Variants in PDK2 observed in about 807,000 individuals in gnomAD.
PDK2 encodes the protein pyruvate dehydrogenase kinase 2, also known as pyruvate dehydrogenase kinase, isozyme 2.
In PDK2, 34 loss-of-function variants were observed where a neutral mutation model predicts 50.4. That is an observed-to-expected ratio of 0.68 (90% CI 0.51 to 0.90). PDK2 has a LOEUF of 0.90. Ranked by LOEUF, PDK2 falls within the 40% of genes least tolerant of loss-of-function variation. PDK2 has a pLI of 0.00. For synonymous variants in PDK2, 232 were observed against 216.0 expected (o/e 1.07, Z -0.65); for missense variants, 377 against 544.5 (o/e 0.69, Z 3.06).
rs1419541065 is a variant in PDK2 at position 50,106,792 on chromosome 17, A to G, written c.518-2A>G. ...AACAGCATCCTCCCTTCCTGCCTGC[A>G]GCCCTCATCTTTGATGGCAGCACCA... On this transcript the variant is annotated splice_acceptor_variant, in intron 4 of 10. Coordinates refer to ENST00000503176, the MANE Select transcript of PDK2 (RefSeq NM_002611.5). LOFTEE classifies it high-confidence loss of function. 1 of 1,613,382 alleles carries G rather than the reference A, an allele frequency of 6.2e-7. No homozygotes were observed. Among genetic ancestry groups the G allele is most frequent in the South Asian group, 1.1e-5 (1 of 91,078 alleles).
At chr17:50,102,568 C>G (rs1910292179) in intron 2 of PDK2, among the ~76,000 whole-genome samples, 1 of 152,144 alleles carries the variant, frequency 6.6e-6, no homozygotes, top group Non-Finnish European at 1.5e-5. Flanking sequence ...TCTCCTCCCC[C>G]TCCTCTCCCC....
Position 50,110,216 on chromosome 17 carries a change from CTG to C in PDK2, c.*121_*122del, listed in dbSNP as rs1350591277. 8.7e-7 allele frequency: 1 copy of C among 1,151,912 alleles called. No homozygotes were observed. Among genetic ancestry groups the C allele is most frequent in the Non-Finnish European group, 1.2e-6 (1 of 834,510 alleles). 71.4% of individuals were successfully genotyped at this position (1,151,912 alleles called of 1,614,324 possible). Reference sequence around the variant, plus strand: ...GTGGGTTCTCCCTGATGACCAGGTTCTGTCTCTATGGAAGTCACTGCGGTGAT... The same window carrying C: ...GTGGGTTCTCCCTGATGACCAGGTTCTCTCTATGGAAGTCACTGCGGTGAT... On this transcript the variant is annotated 3_prime_UTR_variant, in exon 11 of 11. Coordinates refer to ENST00000503176, the MANE Select transcript of PDK2 (RefSeq NM_002611.5).
chr17:50,108,693 C>G lies in PDK2; in HGVS notation c.943C>G (p.Gln315Glu), dbSNP rs1441300054. 3.1e-6 allele frequency: 5 copies of G among 1,612,622 alleles called. No individual in the cohort carries two copies. The Admixed American group carries it at 5.0e-5, about 16-fold the overall frequency. The change falls in exon 9 of 11, where the codon CAG becomes GAG. Residue 315 changes from glutamine to glutamate, a missense_variant. By Grantham distance (29) the Gln-to-Glu change is conservative (BLOSUM62 2). Coordinates refer to ENST00000503176, the MANE Select transcript of PDK2 (RefSeq NM_002611.5). ...CATGTACTCCACAGCACCCACCCCC[C>G]AGCCTGGCACCGGGGGAACGCCGCT... Reference protein sequence around the residue: ...SYMYSTAPTPQPGTGGTPLAG... With the variant: ...SYMYSTAPTPEPGTGGTPLAG...
Position 50,101,057 on chromosome 17 carries a change from A to G in PDK2, c.260+3493A>G, listed in dbSNP as rs952935221. ...ATGTGCTTCCAGAAAATGCAGGGTT[A>G]AGCAGGAGCTGCAGAGTAGAATCAA... On this transcript the variant is annotated intron_variant, in intron 2 of 10. Transcript: ENST00000503176. The surrounding 1 kb of genome is among the most constrained non-coding windows in gnomAD (Gnocchi z 4.2). 6.6e-6 allele frequency: 1 copy of G among 152,272 alleles called. No homozygotes were observed. The highest frequency in any genetic ancestry group is 2.4e-5 in the African/African-American group (1 of 41,436). The allele number at this position is 152,272 out of a possible 1,614,324, so 9.4% of individuals were successfully genotyped here. A position where few individuals can be genotyped will look rare whatever the true frequency, so the allele number is the denominator to read the frequency against.
Position 50,108,652 on chromosome 17 carries a change from A to C in PDK2, c.902A>C (p.Glu301Ala), listed in dbSNP as rs1331535773. 6.2e-7 allele frequency: 1 copy of C among 1,613,122 alleles called. No individual in the cohort carries two copies. Among genetic ancestry groups the C allele is most frequent in the African/African-American group, 1.3e-5 (1 of 74,812 alleles). The change falls in exon 9 of 11, where the codon GAG (glutamate) becomes GCG (alanine). Residue 301 changes from glutamate to alanine, a missense_variant. Glu to Ala is a moderately radical substitution (Grantham distance 107). Transcript: ENST00000503176. ...RGGGVPLRKIERLFSYMYSTA... is the reference protein window; with the variant it reads ...RGGGVPLRKIARLFSYMYSTA... ...GGGGGTGTTCCCTTGAGGAAGATTG[A>C]GCGACTCTTCAGCTACATGTACTCC... is the stretch of plus-strand genomic sequence containing the variant.
chr17:50,095,986 A>T, intron 1 of PDK2: 2 of 514,352 alleles, frequency 3.9e-6, no homozygotes, highest in Non-Finnish European at 5.1e-6. Context: ...AGGTGCAGCC[A>T]TCTGTAGAGA....
upstream of PDK2, chr17:50,095,033 G>A: frequency 5.3e-6 from 1 of 187,872 alleles, no homozygotes; most frequent in Admixed American, 6.0e-5. Flanking sequence ...GGTAGCAAGG[G>A]AAAGGCAGGC....
chr17:50,096,282 G>C, intron 1 of PDK2: 1 of 985,508 alleles, frequency 1.0e-6, no homozygotes, highest in Non-Finnish European at 1.2e-6. Context: ...CCCCAGGGCT[G>C]CTAGGTCAGG....
rs61328000 is a variant in PDK2, at chr17:50,110,182, G to C, written c.*85G>C. 0.14 allele frequency: 202,032 copies of C among 1,416,054 alleles called. 15,607 individuals carry two copies. The highest frequency in any genetic ancestry group is 0.22 in the African/African-American group (15,513 of 70,316). 87.7% of individuals were successfully genotyped at this position (1,416,054 alleles called of 1,614,324 possible). On this transcript the variant is annotated 3_prime_UTR_variant, in exon 11 of 11. Transcript: ENST00000503176. The stretch of plus-strand genomic sequence containing the variant: ...GGTGCCCCTCACCATCCTCCTGGGG[G>C]AGCAGGGGGTGGGTTCTCCCTGATG...
chr17:50,108,261 G>A lies in PDK2; in HGVS notation c.762+29G>A, dbSNP rs759375187. ...AGGAGGCTGGGAGCCGGTGCTTTGC[G>A]GGGAGCGTGAGTAGGGCTGGCTTCT... On this transcript the variant is annotated intron_variant, in intron 7 of 10. Transcript: ENST00000503176. 27 of 1,603,976 alleles carry A rather than the reference G, an allele frequency of 1.7e-5. 1 individual carries two copies. In the South Asian group the frequency reaches 2.1e-4, roughly 13 times the overall value.
At position 50,109,139 on chromosome 17, in the gene PDK2, GTGTCCCCTCCCACA is replaced by G. The variant is rs1379448439; in HGVS notation, c.970-135_970-122del. 9.3e-5 allele frequency: 55 copies of G among 590,364 alleles called. No individual in the cohort carries two copies. Among genetic ancestry groups the G allele is most frequent in the African/African-American group, 6.9e-4 (37 of 53,318 alleles). The allele number at this position is 590,364 out of a possible 1,614,324, so 36.6% of individuals were successfully genotyped here. The stretch of plus-strand genomic sequence containing the variant: ...CACCCCACACACACTTCTTACCTCA[GTGTCCCCTCCCACA>G]TGTCCCCTCCCAGCTCTGGGACCCC... On this transcript the variant is annotated intron_variant, in intron 9 of 10. Transcript: ENST00000503176. This position sits in a 1 kb window ranked among gnomAD's most constrained non-coding sequence, Gnocchi z 5.0.
intron 1 of PDK2, chr17:50,095,867 A>G: frequency 1.1e-6 from 1 of 948,950 alleles, no homozygotes; most frequent in Non-Finnish European, 1.3e-6. Flanking sequence ...TGGTATCCAG[A>G]CGCGAAAGGG....
chr17:50,107,913 AC>A (rs1212731838), intron 6 of PDK2: 1 of 546,126 alleles, frequency 1.8e-6, no homozygotes, highest in African/African-American at 1.9e-5. Context: ...CTGGCTCCCC[AC>A]CCCTGATTCA....
chr17:50,095,591 G>A (rs767354475), intron 1 of PDK2, 38 bp downstream of exon 1: 3 of 1,551,676 alleles, frequency 1.9e-6, no homozygotes, highest in Non-Finnish European at 2.6e-6. Context: ...AGCGGAGGCC[G>A]GCGGGGCGCT....
chr17:50,096,790 C>G (rs1909972646), intron 1 of PDK2, among the ~76,000 whole-genome samples: 1 of 152,218 alleles, frequency 6.6e-6, no homozygotes, highest in Non-Finnish European at 1.5e-5. Context: ...GCCTGATGGA[C>G]TGGAACCCAG....
intron 2 of PDK2, among the ~76,000 whole-genome samples, chr17:50,099,741 T>C (rs1437333137): frequency 5.3e-5 from 8 of 152,152 alleles, no homozygotes; most frequent in Non-Finnish European, 7.4e-5. Flanking sequence ...TGCAGTGAGC[T>C]GAGATTGTGC....
At chr17:50,107,924 A>T in intron 6 of PDK2, 1 of 555,426 alleles carries the variant, frequency 1.8e-6, no homozygotes, top group Non-Finnish European at 3.2e-6. Context: ...CCCCTGATTC[A>T]GTTCTAGCCT....
intron 2 of PDK2, among the ~76,000 whole-genome samples, chr17:50,104,876 G>A (rs566634259): frequency 2.0e-5 from 3 of 152,236 alleles, no homozygotes; most frequent in African/African-American, 7.2e-5. Context: ...TCTGCCGGGG[G>A]TCACTCCAGG....
At chr17:50,106,678 T>C in intron 4 of PDK2, 116 bp from the exon 5 acceptor site, 2 of 828,492 alleles carry the variant, frequency 2.4e-6, no homozygotes, top group Non-Finnish European at 2.0e-6. Context: ...GCTTTAGGAC[T>C]GGAGCCTACA....
Sources: gnomAD v4.1 joint callset for allele counts (sites outside exome capture counted in the v4.1 genomes callset) on GRCh38, gnomAD v4.1.1 for gene constraint, Gnocchi (gnomAD v3.1) non-coding constraint, MANE v1.5 for transcripts, NCBI Gene and HGNC (gene_info 2026-07-23, HGNC 2026-07-21) for gene names.